Variants in STON1 observed in about 807,000 individuals in gnomAD.
STON1 encodes stonin-1.
A neutral mutation model predicts 60.9 loss-of-function variants in STON1; 79 were observed. The ratio of observed to expected loss-of-function variants is 1.30; its 90% confidence interval spans 1.08 to 1.56. The LOEUF (loss-of-function observed/expected upper bound fraction) is 1.56, where lower values mean the gene tolerates loss of function less well. STON1 is among the 40% of genes most tolerant of loss of function. The pLI, the probability that STON1 is intolerant of heterozygous loss-of-function variation, is 0.00. For missense variants in STON1, 1,166 were observed against 858.9 expected, an observed-to-expected ratio of 1.36 and a Z score of -4.47; for synonymous variants, 363 against 306.9, an observed-to-expected ratio of 1.18 and a Z score of -1.91.
chr2:48,533,767 C>CTT (rs67961428), intron 1 of STON1, among the ~76,000 whole-genome samples: 1 of 90,552 alleles, frequency 1.1e-5, no homozygotes. Flanking sequence ...TTACACAGGA[C>CTT]TTTTTTTTTT....
rs200359440 is a variant in STON1 at position 48,581,444 on chromosome 2, C to A, written c.811C>A (p.Gln271Lys). ...TGTCCCCCACACACTCTTCAGGAGTCAGCCAAAATCCGGATGGTCTTTCAT... is the reference window on the plus strand; with the variant it reads ...TGTCCCCCACACACTCTTCAGGAGTAAGCCAAAATCCGGATGGTCTTTCAT... ...SFVPHTLFRS[Q>K]PKSGWSFMLR... The change falls in exon 2 of 4, where the codon CAG (glutamine) becomes AAG (lysine). Residue 271 changes from glutamine (Q) to lysine (K), a missense_variant. Gln to Lys is a moderately conservative substitution (Grantham distance 53, BLOSUM62 1). Transcript: ENST00000404752. 1.7e-4 allele frequency: 273 copies of A among 1,614,068 alleles called. No individual in the cohort carries two copies. The highest frequency in any genetic ancestry group is 2.1e-4 in the Non-Finnish European group (253 of 1,180,020).
intron 1 of STON1, among the ~76,000 whole-genome samples, chr2:48,564,584 C>T (rs199666625): frequency 0.27 from 11,216 of 42,050 alleles, 3,369 homozygotes; most frequent in Non-Finnish European, 0.39. Flanking sequence ...TCCTTCTCCT[C>T]CTCCTCCTCC....
rs1337526196 is a variant in STON1, at chr2:48,596,577, T to C, written c.*1275T>C. 1 of 152,208 alleles carries C rather than the reference T, an allele frequency of 6.6e-6. No individual in the cohort carries two copies. Among genetic ancestry groups the C allele is most frequent in the Non-Finnish European group, 1.5e-5 (1 of 68,030 alleles). 9.4% of individuals were successfully genotyped at this position (152,208 alleles called of 1,614,324 possible). A position where few individuals can be genotyped will look rare whatever the true frequency, so the allele number is the denominator to read the frequency against. On this transcript the variant is annotated 3_prime_UTR_variant, in exon 4 of 4. Coordinates refer to ENST00000404752, the MANE Select transcript of STON1 (RefSeq NM_006873.4). ...GAGTCTTAAACATAATTAGGAGATA[T>C]TTTTCTCTATTTGCTAGATTTGTTT...
At chr2:48,587,283 GTATTTATT>G (rs10557905) in intron 2 of STON1, among the ~76,000 whole-genome samples, 11 of 151,204 alleles carry the variant, frequency 7.3e-5, no homozygotes, top group South Asian at 2.1e-4. Context: ...TCTCCCATGA[GTATTTATT>G]TATTTATTTA....
At chr2:48,541,346 C>G (rs1671643234) in intron 1 of STON1, among the ~76,000 whole-genome samples, 1 of 149,496 alleles carries the variant, frequency 6.7e-6, no homozygotes, top group Non-Finnish European at 1.5e-5. Context: ...GTGTGAGACT[C>G]CATCTCAAAA....
At chr2:48,552,484 C>T (rs1043585008) in intron 1 of STON1, among the ~76,000 whole-genome samples, 8 of 152,088 alleles carry the variant, frequency 5.3e-5, no homozygotes, top group Admixed American at 1.3e-4. Flanking sequence ...ACTTACAGGC[C>T]GGGTGTGGTG....
chr2:48,572,278 T>C lies in STON1; in HGVS notation c.-47-8309T>C, dbSNP rs1294063700. ...ACAATGGGGAATCAGAGCTGCTGAC[T>C]CCAGAACAGTATTAAACTTCCAGGA... is the stretch of plus-strand genomic sequence containing the variant. On this transcript the variant is annotated intron_variant, in intron 1 of 3. Transcript: ENST00000404752. 2.0e-5 allele frequency among the ~76,000 whole-genome samples: 3 copies of C among 152,296 alleles called. No individual in the cohort carries two copies. In the East Asian group the frequency reaches 5.8e-4, roughly 29 times the overall value.
In STON1 at chr2:48,581,652, T is replaced by C. The variant is rs758667914; in HGVS notation, c.1019T>C (p.Val340Ala). 10 of 1,613,856 alleles carry C rather than the reference T, an allele frequency of 6.2e-6. No homozygotes were observed. The highest frequency in any genetic ancestry group is 1.6e-4 in the Middle Eastern group (1 of 6,082). ...LSEPKVENFSVAGKIHTVKIE... is the reference protein window; with the variant it reads ...LSEPKVENFSAAGKIHTVKIE... Reference sequence around the variant, plus strand: ...GAACCCAAGGTTGAGAACTTCAGTGTAGCAGGAAAAATCCACACTGTGAAG... The same window carrying C: ...GAACCCAAGGTTGAGAACTTCAGTGCAGCAGGAAAAATCCACACTGTGAAG... The change falls in exon 2 of 4, where the codon GTA becomes GCA. Residue 340 changes from valine to alanine, a missense_variant. Coordinates refer to ENST00000404752, the MANE Select transcript of STON1 (RefSeq NM_006873.4).
Position 48,580,948 on chromosome 2 carries a change from T to A in STON1, c.315T>A (p.Ile105=), listed in dbSNP as rs1673843470. Residue 105 remains isoleucine (I), a synonymous_variant, in exon 2 of 4, where the codon ATT becomes ATA. Transcript: ENST00000404752. The part of the protein sequence containing the change: ...PKAGTHVLYP[I]PESSSDSPLA... The stretch of plus-strand genomic sequence containing the variant: ...CAGGGACTCATGTGCTTTATCCTAT[T>A]CCAGAATCATCTTCAGACAGCCCAC... The A allele has an allele frequency of 1.3e-6, 2 of 1,593,178 alleles. No homozygotes were observed. The highest frequency in any genetic ancestry group is 1.7e-6 in the Non-Finnish European group (2 of 1,172,366).
At chr2:48,533,354 T>G (rs1019617093) in intron 1 of STON1, among the ~76,000 whole-genome samples, 1 of 151,470 alleles carries the variant, frequency 6.6e-6, no homozygotes, top group Non-Finnish European at 1.5e-5. Flanking sequence ...CACTTCAGCC[T>G]GGGCGACAGA....
At chr2:48,567,071 A>G (rs1485633553) in intron 1 of STON1, among the ~76,000 whole-genome samples, 1 of 152,252 alleles carries the variant, frequency 6.6e-6, no homozygotes, top group Non-Finnish European at 1.5e-5. Flanking sequence ...TAAATGCCGT[A>G]GGGGAGGGGC....
chr2:48,543,885 T>C (rs1671757570), intron 1 of STON1, among the ~76,000 whole-genome samples: 1 of 152,160 alleles, frequency 6.6e-6, no homozygotes, highest in South Asian at 2.1e-4. Context: ...CATGTAAATA[T>C]AAGCTAGATC....
intron 1 of STON1, among the ~76,000 whole-genome samples, chr2:48,559,121 A>G (rs1051816729): frequency 6.6e-6 from 1 of 152,228 alleles, no homozygotes; most frequent in Non-Finnish European, 1.5e-5. Flanking sequence ...CGTTTTAGAT[A>G]AGGGATATTC....
chr2:48,594,339 A>G (rs2103968294), intron 3 of STON1, among the ~76,000 whole-genome samples: 1 of 152,288 alleles, frequency 6.6e-6, no homozygotes, highest in East Asian at 1.9e-4. Flanking sequence ...ATGCAATTTT[A>G]GTGGACAATT....
In STON1 at chr2:48,582,096, A is replaced by G. The variant is rs753547741; in HGVS notation, c.1463A>G (p.His488Arg). Reference sequence around the variant, plus strand: ...ATTGATATTCTTGACTACCATTTTCATAAGTGTGTGAATGTACAAGAATTT... The same window carrying G: ...ATTGATATTCTTGACTACCATTTTCGTAAGTGTGTGAATGTACAAGAATTT... Reference protein sequence around the residue: ...KGIDILDYHFHKCVNVQEFEQ... With the variant: ...KGIDILDYHFRKCVNVQEFEQ... The change falls in exon 2 of 4, where the codon CAT becomes CGT. Residue 488 changes from histidine to arginine, a missense_variant. Physicochemically the swap from His to Arg is conservative, Grantham distance 29 (BLOSUM62 0). Coordinates refer to ENST00000404752, the MANE Select transcript of STON1 (RefSeq NM_006873.4). The G allele has an allele frequency of 2.0e-5, 32 of 1,614,042 alleles. No individual in the cohort carries two copies. In the East Asian group the frequency reaches 2.5e-4, roughly 12 times the overall value.
At chr2:48,552,297 C>G (rs1672138215) in intron 1 of STON1, among the ~76,000 whole-genome samples, 1 of 152,124 alleles carries the variant, frequency 6.6e-6, no homozygotes, top group South Asian at 2.1e-4. Flanking sequence ...TTAGAGTAGA[C>G]AAATTCATGA....
intron 2 of STON1, among the ~76,000 whole-genome samples, chr2:48,584,991 T>G (rs1266585823): frequency 1.3e-5 from 2 of 152,138 alleles, no homozygotes; most frequent in African/African-American, 4.8e-5. Context: ...CTACATTGTC[T>G]TTCTTCCTGA....
chr2:48,592,415 A>G (rs537800380), intron 3 of STON1, among the ~76,000 whole-genome samples: 18 of 146,412 alleles, frequency 1.2e-4, no homozygotes, highest in Non-Finnish European at 2.2e-4. Flanking sequence ...ATGCTGAGTT[A>G]CTCTATTATG....
intron 1 of STON1, among the ~76,000 whole-genome samples, chr2:48,562,191 G>C (rs1178403632): frequency 6.6e-6 from 1 of 152,168 alleles, no homozygotes; most frequent in African/African-American, 2.4e-5. Context: ...CTTTTTCCCA[G>C]TTAGTTTTGA....
Sources: allele counts gnomAD v4.1 joint callset (sites outside exome capture counted in the v4.1 genomes callset), GRCh38; gene constraint gnomAD v4.1.1; transcripts MANE v1.5; gene names NCBI Gene and HGNC (gene_info 2026-07-23, HGNC 2026-07-21).